CEMIP2: variants seen among roughly 807,000 people sequenced by gnomAD.
CEMIP2 encodes cell surface hyaluronidase CEMIP2.
In CEMIP2, 79 loss-of-function variants were observed where a neutral mutation model predicts 146.9. The observed-to-expected ratio is 0.54, with a 90% CI of 0.45 to 0.65. The LOEUF (loss-of-function observed/expected upper bound fraction) is 0.65. Among genes scored for constraint, CEMIP2 ranks in the 30% least tolerant of loss-of-function variants. The pLI, the probability that CEMIP2 is intolerant of heterozygous loss-of-function variation, is 0.00. For missense variants in CEMIP2, 1,596 were observed against 1,696.2 expected, an observed-to-expected ratio of 0.94 and a Z score of 1.04; for synonymous variants, 601 against 606.3, an observed-to-expected ratio of 0.99 and a Z score of 0.13.
intron 18 of CEMIP2, among the ~76,000 whole-genome samples, chr9:71,703,306 G>A (rs1484024794): frequency 1.3e-5 from 2 of 152,158 alleles, no homozygotes; most frequent in East Asian, 3.8e-4. Context: ...ACTGGCCTTG[G>A]GGCTTGGTTG....
chr9:71,740,316 GT>G lies in CEMIP2; in HGVS notation c.1035-85del. On this transcript the variant is annotated intron_variant, in intron 4 of 23. Coordinates refer to ENST00000377044, the MANE Select transcript of CEMIP2 (RefSeq NM_013390.3). ...GACAAAGATGTTATTACAGAGTGCT[GT>G]TTAATTCTCATATTTCATTTTCGTC... The G allele has an allele frequency of 8.1e-6, 12 of 1,481,422 alleles. No individual in the cohort carries two copies. In the South Asian group the frequency reaches 1.5e-4, roughly 18 times the overall value. The allele number at this position is 1,481,422 out of a possible 1,614,324, so 91.8% of individuals were successfully genotyped here.
Position 71,694,631 on chromosome 9 carries a change from T to C in CEMIP2, c.3598-24A>G, listed in dbSNP as rs777241186. On this transcript the variant is annotated intron_variant, in intron 20 of 23. Transcript: ENST00000377044. ...ACCTAGACAGAGAAGAAGTTCCATA[T>C]TTATGGCAACTCTTACCTTCCTCCA... is the stretch of plus-strand genomic sequence containing the variant. 17 of 1,515,262 alleles carry C rather than the reference T, an allele frequency of 1.1e-5. No homozygotes were observed. The African/African-American group carries it at 2.2e-4, about 20-fold the overall frequency. 93.9% of individuals were successfully genotyped at this position (1,515,262 alleles called of 1,614,324 possible).
At chr9:71,712,406 T>C (rs778772771) in intron 15 of CEMIP2, 146 bp from the exon 16 acceptor site, 23 of 689,006 alleles carry the variant, frequency 3.3e-5, no homozygotes, top group South Asian at 9.8e-5. Flanking sequence ...AGATACCTGA[T>C]TGAATGAAAC....
intron 18 of CEMIP2, among the ~76,000 whole-genome samples, chr9:71,701,247 A>G (rs1822553070): frequency 6.6e-6 from 1 of 152,102 alleles, no homozygotes; most frequent in Non-Finnish European, 1.5e-5. Context: ...CTGGGATTAC[A>G]GGGGCACAAC....
At chr9:71,730,597 C>T in intron 8 of CEMIP2, 108 bp downstream of exon 8, 1 of 1,190,346 alleles carries the variant, frequency 8.4e-7, no homozygotes, top group Non-Finnish European at 1.2e-6. Flanking sequence ...CAGGATAGAG[C>T]AAGGCATGTG....
intron 12 of CEMIP2, among the ~76,000 whole-genome samples, chr9:71,718,397 A>T (rs541006338): frequency 6.6e-6 from 1 of 152,200 alleles, no homozygotes; most frequent in Admixed American, 6.5e-5. Context: ...ATGTGTGTTT[A>T]CAAATCCTTA....
chr9:71,727,697 A>G (rs1194315240), intron 10 of CEMIP2, among the ~76,000 whole-genome samples: 1 of 152,248 alleles, frequency 6.6e-6, no homozygotes, highest in Non-Finnish European at 1.5e-5. Context: ...TTTAGGTATC[A>G]CTGCAAATTT....
rs34581447 is a variant in CEMIP2, at chr9:71,755,346, T to TACACACACACACACACACAC, written c.-12-4981_-12-4962dup. Among the ~76,000 whole-genome samples, 1,145 of 134,894 alleles carry TACACACACACACACACACAC rather than the reference T, an allele frequency of 8.5e-3. 18 individuals are homozygous for TACACACACACACACACACAC. Among genetic ancestry groups the TACACACACACACACACACAC allele is most frequent in the African/African-American group, 0.024 (853 of 35,058 alleles). 88.5% of individuals were successfully genotyped at this position (134,894 alleles called of 152,430 possible). A position where few individuals can be genotyped will look rare whatever the true frequency, so the allele number is the denominator to read the frequency against. On this transcript the variant is annotated intron_variant, in intron 1 of 23. Transcript: ENST00000377044. ...GGAACCTAGTGAGACACCCTGTCTC[T>TACACACACACACACACACAC]ACACACACACACACACACACACACA...
intron 19 of CEMIP2, chr9:71,699,442 C>T (rs1230937549): frequency 5.1e-6 from 2 of 393,916 alleles, no homozygotes; most frequent in Middle Eastern, 3.8e-4. Context: ...CATAGGGATA[C>T]ACCGTCTCTT....
chr9:71,716,407 T>C, intron 14 of CEMIP2, 110 bp downstream of exon 14: 1 of 953,664 alleles, frequency 1.0e-6, no homozygotes, highest in South Asian at 1.6e-5. Context: ...GTTGCTAATT[T>C]TTTTTATGTT....
At chr9:71,735,813 C>T (rs1823746633) in intron 5 of CEMIP2, among the ~76,000 whole-genome samples, 1 of 152,124 alleles carries the variant, frequency 6.6e-6, no homozygotes, top group Non-Finnish European at 1.5e-5. Context: ...CAATTTGTGG[C>T]TGGGCACAGT....
chr9:71,728,631 ATG>A (rs1187346084), intron 10 of CEMIP2, among the ~76,000 whole-genome samples: 3 of 151,940 alleles, frequency 2.0e-5, no homozygotes, highest in African/African-American at 7.3e-5. Context: ...AATTATTCTC[ATG>A]TGTGTTTTAA....
At chr9:71,693,042 A>G (rs978250757) in intron 21 of CEMIP2, among the ~76,000 whole-genome samples, 4 of 152,230 alleles carry the variant, frequency 2.6e-5, no homozygotes, top group Non-Finnish European at 5.9e-5. Flanking sequence ...TGGTTGTACA[A>G]CAATATGAAT....
chr9:71,755,891 G>A (rs566177167), intron 1 of CEMIP2, among the ~76,000 whole-genome samples: 6 of 146,772 alleles, frequency 4.1e-5, no homozygotes, highest in Admixed American at 3.4e-4. Context: ...GAGCCTGGGA[G>A]GTGAAGGCTG....
rs1823006423 is a variant in CEMIP2 at position 71,715,026 on chromosome 9, C to T, written c.2499G>A (p.Gly833=). The T allele has an allele frequency of 6.2e-7, 1 of 1,613,958 alleles. No homozygotes were observed. The highest frequency in any genetic ancestry group is 1.1e-5 in the South Asian group (1 of 91,072). The change falls in exon 15 of 24, where the codon GGG becomes GGA. Residue 833 remains glycine, a synonymous_variant. Coordinates refer to ENST00000377044, the MANE Select transcript of CEMIP2 (RefSeq NM_013390.3). ...SQEVSESLFV[G]ESRNYGFQGG... ...CCTGAAAGCCGTAATTCCTGCTCTC[C>T]CCAACAAAGAGAGATTCAGATACCT...
chr9:71,718,183 A>C, intron 12 of CEMIP2, 104 bp from the exon 13 acceptor site: 1 of 1,087,164 alleles, frequency 9.2e-7, no homozygotes, highest in Non-Finnish European at 1.2e-6. Flanking sequence ...TTTGACCAAA[A>C]CAAATGAAAA....
At chr9:71,685,994 T>A in intron 22 of CEMIP2, 148 bp from the exon 23 acceptor site, 1 of 632,750 alleles carries the variant, frequency 1.6e-6, no homozygotes, top group Non-Finnish European at 2.7e-6. Flanking sequence ...TGATTTTCCA[T>A]CCAATTCCCA....
chr9:71,722,516 C>G lies in CEMIP2; in HGVS notation c.2179-1G>C. 6.2e-7 allele frequency: 1 copy of G among 1,609,618 alleles called. No homozygotes were observed. The highest frequency in any genetic ancestry group is 8.5e-7 in the Non-Finnish European group (1 of 1,176,872). ...CACCTTTGTCAATAAATAAGCCAGC[C>G]TGAAAAATATAAATAATGGACTGGA... On this transcript the variant is annotated splice_acceptor_variant, in intron 11 of 23. Transcript: ENST00000377044. LOFTEE classifies it high-confidence loss of function.
At chr9:71,687,400 C>T (rs1822094398) in intron 22 of CEMIP2, 1 of 152,000 alleles carries the variant, frequency 6.6e-6, no homozygotes, top group South Asian at 2.1e-4. Flanking sequence ...AACAGAGTCT[C>T]TCCTTTTATT....
Sources: allele counts gnomAD v4.1 joint callset (sites outside exome capture counted in the v4.1 genomes callset), GRCh38; gene constraint gnomAD v4.1.1; transcripts MANE v1.5; gene names NCBI Gene and HGNC (gene_info 2026-07-23, HGNC 2026-07-21).